The following SLC25A13 variants were observed in gnomAD, a reference collection of about 807,000 sequenced individuals.
SLC25A13 encodes electrogenic aspartate/glutamate antiporter SLC25A13, mitochondrial.
A neutral mutation model predicts 85.5 loss-of-function variants in SLC25A13; 70 were observed. The ratio of observed to expected loss-of-function variants is 0.82; its 90% CI spans 0.68 to 1.00. SLC25A13 has a LOEUF of 1.00. Among genes scored for constraint, SLC25A13 ranks in the 50% least tolerant of loss-of-function variants. SLC25A13 has a pLI of 0.00. For missense variants in SLC25A13, 765 were observed against 819.8 expected (o/e 0.93, Z 0.82); for synonymous variants, 259 against 288.7 (o/e 0.90, Z 1.04).
intron 13 of SLC25A13, among the ~76,000 whole-genome samples, chr7:96,158,910 A>C (rs1458231622): frequency 3.9e-5 from 6 of 152,236 alleles, no homozygotes; most frequent in African/African-American, 1.2e-4. Context: ...ACTCAATGTT[A>C]AATAGAGACA....
intron 11 of SLC25A13, among the ~76,000 whole-genome samples, chr7:96,172,085 A>C (rs981929169): frequency 6.6e-6 from 1 of 152,220 alleles, no homozygotes; most frequent in Admixed American, 6.5e-5. Context: ...ACAATTTTCT[A>C]ATTTATCTAT....
chr7:96,149,140 C>T (rs999064675), intron 13 of SLC25A13, among the ~76,000 whole-genome samples: 1 of 152,240 alleles, frequency 6.6e-6, no homozygotes. Flanking sequence ...AGAATCCCTG[C>T]ACTACACCAT....
At chr7:96,133,397 T>A (rs1024593444) in intron 14 of SLC25A13, among the ~76,000 whole-genome samples, 1 of 152,174 alleles carries the variant, frequency 6.6e-6, no homozygotes, top group Non-Finnish European at 1.5e-5. Context: ...TAATCTATCG[T>A]CCTGGATGGG....
intron 11 of SLC25A13, among the ~76,000 whole-genome samples, chr7:96,180,099 C>T (rs990352932): frequency 6.6e-6 from 1 of 152,120 alleles, no homozygotes; most frequent in African/African-American, 2.4e-5. Flanking sequence ...GACTGCTTTG[C>T]ACTACACAGA....
intron 1 of SLC25A13, among the ~76,000 whole-genome samples, chr7:96,305,243 T>C (rs1799702139): frequency 6.6e-6 from 1 of 152,100 alleles, no homozygotes; most frequent in Admixed American, 6.6e-5. Context: ...CTAATTATAA[T>C]ACCTGAAGGA....
At chr7:96,192,505 G>A (rs1183595609) in intron 6 of SLC25A13, among the ~76,000 whole-genome samples, 1 of 152,082 alleles carries the variant, frequency 6.6e-6, no homozygotes, top group Admixed American at 6.6e-5. Flanking sequence ...ACATCCCCAG[G>A]GCCCATGAGG....
rs1794836188 is a variant in SLC25A13 at position 96,191,230 on chromosome 7, T to G, written c.633A>C (p.Thr211=). 1.9e-5 allele frequency: 30 copies of G among 1,614,010 alleles called. No homozygotes were observed. In the East Asian group the frequency reaches 6.7e-4, roughly 36 times the overall value. The change falls in exon 7 of 18, where the codon ACA becomes ACC. Residue 211 remains threonine, a synonymous_variant. Transcript: ENST00000265631. ...AATAGGAGAAACTAACTTGATGGGA[T>G]GTGGTACCTCCAGCAGCCTCAAATA... ...ECLVAAAGGT[T]SHQVSFSYFN...
At chr7:96,272,080 G>C (rs1469674137) in intron 3 of SLC25A13, among the ~76,000 whole-genome samples, 1 of 152,062 alleles carries the variant, frequency 6.6e-6, no homozygotes, top group African/African-American at 2.4e-5. Flanking sequence ...TAGAGATGGG[G>C]TTTCACCATG....
intron 12 of SLC25A13, 71 bp downstream of exon 12, chr7:96,171,401 T>A: frequency 7.1e-7 from 1 of 1,406,380 alleles, no homozygotes; most frequent in South Asian, 1.2e-5. Context: ...CTGTTTCCTA[T>A]AAGAATACCT....
chr7:96,130,781 G>T (rs1463847803), intron 15 of SLC25A13, among the ~76,000 whole-genome samples: 2 of 152,148 alleles, frequency 1.3e-5, no homozygotes, highest in Non-Finnish European at 2.9e-5. Context: ...AAGCAGCCAG[G>T]AAACAGTAGC....
chr7:96,177,539 T>C (rs1160801865), intron 11 of SLC25A13, among the ~76,000 whole-genome samples: 1 of 152,208 alleles, frequency 6.6e-6, no homozygotes, highest in Non-Finnish European at 1.5e-5. Context: ...ACAAGTTACC[T>C]AATCTCTTTG....
chr7:96,315,770 T>A (rs1172067084), intron 1 of SLC25A13, among the ~76,000 whole-genome samples: 1 of 152,180 alleles, frequency 6.6e-6, no homozygotes, highest in Non-Finnish European at 1.5e-5. Flanking sequence ...AAATACTTAG[T>A]AGAGTTTTTA....
At chr7:96,144,987 C>A (rs564934879) in intron 14 of SLC25A13, among the ~76,000 whole-genome samples, 1 of 152,150 alleles carries the variant, frequency 6.6e-6, no homozygotes, top group South Asian at 2.1e-4. Context: ...ACTGCAAGAG[C>A]CTAAAAATTT....
chr7:96,154,693 C>A (rs1231390104), intron 13 of SLC25A13, among the ~76,000 whole-genome samples: 2 of 152,204 alleles, frequency 1.3e-5, no homozygotes, highest in African/African-American at 4.8e-5. Flanking sequence ...CTCTGACCAA[C>A]TCACATATCT....
chr7:96,184,993 C>G lies in SLC25A13; in HGVS notation c.952G>C (p.Ala318Pro). The G allele has an allele frequency of 6.2e-7, 1 of 1,614,058 alleles. No individual in the cohort carries two copies. Residue 318 changes from alanine (A) to proline (P), a missense_variant, in exon 10 of 18, where the codon GCT becomes CCT. By Grantham distance (27) the Ala-to-Pro change is conservative. Transcript: ENST00000265631. ...AQRQKASGDS[A>P]RPVLLQVAES... Reference sequence around the variant, plus strand: ...GCAACTTGTAGAAGAACTGGTCGAGCTGAATCACCTGAGGCCTTCTGCTTT... The same window carrying G: ...GCAACTTGTAGAAGAACTGGTCGAGGTGAATCACCTGAGGCCTTCTGCTTT...
chr7:96,321,253 G>A (rs568623468), intron 1 of SLC25A13, among the ~76,000 whole-genome samples: 18 of 152,262 alleles, frequency 1.2e-4, no homozygotes, highest in African/African-American at 4.3e-4. Context: ...GGAGTGACAG[G>A]CTCCCAGGAC....
At chr7:96,198,588 G>A (rs1795146547) in intron 5 of SLC25A13, among the ~76,000 whole-genome samples, 1 of 152,166 alleles carries the variant, frequency 6.6e-6, no homozygotes, top group African/African-American at 2.4e-5. Flanking sequence ...AGAGAGGTCA[G>A]GTAACTAGCC....
intron 1 of SLC25A13, among the ~76,000 whole-genome samples, chr7:96,308,379 G>A (rs78690567): frequency 9.3e-4 from 141 of 152,320 alleles, no homozygotes; most frequent in African/African-American, 3.3e-3. Flanking sequence ...GGTGATCTTG[G>A]CTTTCTGAAC....
intron 3 of SLC25A13, among the ~76,000 whole-genome samples, chr7:96,245,343 C>G (rs1209912535): frequency 6.6e-6 from 1 of 152,072 alleles, no homozygotes; most frequent in Non-Finnish European, 1.5e-5. Flanking sequence ...TTGCCACCTC[C>G]CTCAACCTCT....
Sources: allele counts gnomAD v4.1 joint callset (sites outside exome capture counted in the v4.1 genomes callset), GRCh38; gene constraint gnomAD v4.1.1; transcripts MANE v1.5; gene names NCBI Gene and HGNC (gene_info 2026-07-23, HGNC 2026-07-21).